The following ANKRD10 variants were observed in gnomAD, a reference collection of about 807,000 sequenced individuals.
ANKRD10 encodes ankyrin repeat domain 10, also known as ankyrin repeat domain-containing protein 10.
A neutral mutation model predicts 27.0 loss-of-function variants in ANKRD10; 14 were observed. The ratio of observed to expected loss-of-function variants is 0.52; its 90% CI spans 0.34 to 0.81. The LOEUF (loss-of-function observed/expected upper bound fraction) is 0.81. ANKRD10 is among the 40% of genes least tolerant of loss of function. The pLI is 0.01. For missense variants in ANKRD10, 493 were observed against 544.0 expected, an observed-to-expected ratio of 0.91 and a Z score of 0.93; for synonymous variants, 250 against 224.5, an observed-to-expected ratio of 1.11 and a Z score of -1.01.
At chr13:110,892,437 T>G (rs111504255) in intron 4 of ANKRD10, among the ~76,000 whole-genome samples, 203 of 61,920 alleles carry the variant, frequency 3.3e-3, no homozygotes, top group East Asian at 0.016. Flanking sequence ...AAAAAAAAAA[T>G]GGTGGGAGAA....
At chr13:110,900,547 T>C in intron 3 of ANKRD10, 1 of 1,344,360 alleles carries the variant, frequency 7.4e-7, no homozygotes, top group Non-Finnish European at 9.8e-7. Flanking sequence ...GTATGCCTCG[T>C]GTGCAGAAAG....
chr13:110,890,869 AG>A (rs1293379033), intron 4 of ANKRD10, among the ~76,000 whole-genome samples: 2 of 152,212 alleles, frequency 1.3e-5, no homozygotes, highest in African/African-American at 4.8e-5. Context: ...CTCCTTCTAA[AG>A]GAAGAAAATA....
intron 2 of ANKRD10, among the ~76,000 whole-genome samples, chr13:110,908,099 C>A (rs1209845496): frequency 1.3e-5 from 2 of 152,028 alleles, no homozygotes; most frequent in African/African-American, 4.8e-5. Flanking sequence ...TGAAGGTGCC[C>A]GGGCCTCCAG....
At chr13:110,909,146 T>C (rs1236035811) in intron 2 of ANKRD10, among the ~76,000 whole-genome samples, 1 of 152,242 alleles carries the variant, frequency 6.6e-6, no homozygotes, top group Admixed American at 6.5e-5. Context: ...GAAAGCAGTG[T>C]TAGACAATTT....
intron 3 of ANKRD10, chr13:110,894,515 T>G (rs1443871909): frequency 5.4e-6 from 1 of 185,666 alleles, no homozygotes; most frequent in East Asian, 1.4e-4. Context: ...GTATTCGTTA[T>G]TTGCAGACAT....
At chr13:110,896,016 A>G (rs2065217036) in intron 3 of ANKRD10, among the ~76,000 whole-genome samples, 1 of 152,218 alleles carries the variant, frequency 6.6e-6, no homozygotes, top group Non-Finnish European at 1.5e-5. Flanking sequence ...TTCTGGCCCA[A>G]TCATGCTATG....
In ANKRD10 at chr13:110,889,432, T is replaced by C. The variant is rs2065018597; in HGVS notation, c.691+3596A>G. Among the ~76,000 whole-genome samples, 5 of 152,242 alleles carry C rather than the reference T, an allele frequency of 3.3e-5. No individual in the cohort carries two copies. The South Asian group carries it at 8.3e-4, about 25-fold the overall frequency. On this transcript the variant is annotated intron_variant, in intron 4 of 5. Transcript: ENST00000267339. ...CCAGAGTTCATGTCCACACCTATTA[T>C]GTCTTACGTTCTGACTAAACTGCAT...
At chr13:110,896,851 T>C (rs1022317807) in intron 3 of ANKRD10, among the ~76,000 whole-genome samples, 2 of 152,214 alleles carry the variant, frequency 1.3e-5, no homozygotes, top group African/African-American at 4.8e-5. Flanking sequence ...AAACCATTCT[T>C]GGGCCATAGG....
chr13:110,909,177 G>A (rs2065622545), intron 2 of ANKRD10, among the ~76,000 whole-genome samples: 1 of 152,176 alleles, frequency 6.6e-6, no homozygotes, highest in African/African-American at 2.4e-5. Flanking sequence ...CTCTAAATAA[G>A]ATGCTATGTA....
intron 3 of ANKRD10, chr13:110,894,070 A>C: frequency 7.1e-7 from 1 of 1,412,686 alleles, no homozygotes; most frequent in Non-Finnish European, 1.0e-6. Context: ...AGAGTAAGTG[A>C]AAGAGCTGAA....
intron 4 of ANKRD10, among the ~76,000 whole-genome samples, chr13:110,885,183 C>T (rs1247357847): frequency 6.6e-6 from 1 of 152,030 alleles, no homozygotes; most frequent in Non-Finnish European, 1.5e-5. Flanking sequence ...GGCCAGGCTC[C>T]ACTTTCACTA....
At chr13:110,906,282 G>C (rs1274424628) in intron 2 of ANKRD10, among the ~76,000 whole-genome samples, 158 bp from the exon 3 acceptor site, 1 of 152,158 alleles carries the variant, frequency 6.6e-6, no homozygotes, top group East Asian at 1.9e-4. Context: ...ATCTATACGT[G>C]AATGGAGGAT....
chr13:110,895,578 T>C (rs985637618), intron 3 of ANKRD10, among the ~76,000 whole-genome samples: 4 of 152,088 alleles, frequency 2.6e-5, no homozygotes, highest in Admixed American at 6.6e-5. Context: ...CAGAGCAAGA[T>C]TCTATCTCTA....
chr13:110,905,411 TG>T (rs766924770), intron 3 of ANKRD10, among the ~76,000 whole-genome samples: 16 of 152,212 alleles, frequency 1.1e-4, no homozygotes, highest in Non-Finnish European at 2.2e-4. Flanking sequence ...AGCTAACTGA[TG>T]TAAGCTGGGC....
At chr13:110,897,771 C>T (rs2065268840) in intron 3 of ANKRD10, among the ~76,000 whole-genome samples, 1 of 152,150 alleles carries the variant, frequency 6.6e-6, no homozygotes, top group African/African-American at 2.4e-5. Flanking sequence ...CAGGAACCTC[C>T]ATACTCTTCT....
intron 3 of ANKRD10, chr13:110,894,866 TATTAC>T (rs1282386175): frequency 2.0e-5 from 3 of 152,204 alleles, no homozygotes; most frequent in Admixed American, 6.5e-5. Context: ...GGGCAGATTG[TATTAC>T]ATTAATTATA....
At chr13:110,908,485 T>C (rs1469936549) in intron 2 of ANKRD10, among the ~76,000 whole-genome samples, 1 of 152,170 alleles carries the variant, frequency 6.6e-6, no homozygotes, top group Non-Finnish European at 1.5e-5. Flanking sequence ...AAAATGAACT[T>C]AGAACTGTTA....
intron 4 of ANKRD10, 87 bp from the exon 5 acceptor site, chr13:110,883,880 G>A: frequency 6.9e-7 from 1 of 1,443,246 alleles, no homozygotes; most frequent in Non-Finnish European, 9.4e-7. Flanking sequence ...TTTTGTGTGA[G>A]CACTGAACAC....
intron 3 of ANKRD10, among the ~76,000 whole-genome samples, chr13:110,896,761 CTG>C (rs1006115563): frequency 6.6e-6 from 1 of 152,204 alleles, no homozygotes. Context: ...TTTATGAACA[CTG>C]AAACTGAAAT....
Sources: allele counts gnomAD v4.1 joint callset (sites outside exome capture counted in the v4.1 genomes callset), GRCh38; gene constraint gnomAD v4.1.1; transcripts MANE v1.5; gene names NCBI Gene and HGNC (gene_info 2026-07-23, HGNC 2026-07-21).